PTPRD: variants seen among roughly 807,000 people sequenced by gnomAD.
PTPRD encodes protein tyrosine phosphatase receptor type D, also known as receptor-type tyrosine-protein phosphatase delta.
In PTPRD, 34 loss-of-function variants were observed where a neutral mutation model predicts 214.5. The ratio of observed to expected loss-of-function variants is 0.16; its 90% CI spans 0.12 to 0.21. The LOEUF is 0.21. PTPRD is among the 10% of genes least tolerant of loss of function. PTPRD has a pLI of 1.00. For missense variants in PTPRD, 2,545 were observed against 2,398.7 expected, an observed-to-expected ratio of 1.06 and a Z score of -1.27; for synonymous variants, 1,128 against 845.7, an observed-to-expected ratio of 1.33 and a Z score of -5.79.
intron 36 of PTPRD, among the ~76,000 whole-genome samples, chr9:8,394,861 A>G (rs946132374): frequency 2.0e-5 from 3 of 152,096 alleles, no homozygotes; most frequent in African/African-American, 7.2e-5. Flanking sequence ...TGATGGGGCA[A>G]AAAATAAACA....
In PTPRD at chr9:9,195,277, C is replaced by T. The variant is rs533128363; in HGVS notation, c.-202-11914G>A. Among the ~76,000 whole-genome samples, 424 of 151,960 alleles carry T rather than the reference C, an allele frequency of 2.8e-3. 1 individual carries two copies. Among genetic ancestry groups the T allele is most frequent in the Non-Finnish European group, 5.1e-3 (348 of 67,936 alleles). On this transcript the variant is annotated intron_variant, in intron 9 of 45. Coordinates refer to ENST00000381196, the MANE Select transcript of PTPRD (RefSeq NM_002839.4). Reference sequence around the variant, plus strand: ...ATTTCAGCATGCTGTTTACATAATTCACAAACAACATTTAGTTGAAAACAT... The same window carrying T: ...ATTTCAGCATGCTGTTTACATAATTTACAAACAACATTTAGTTGAAAACAT...
At chr9:8,747,797 C>A (rs1444857609) in intron 11 of PTPRD, among the ~76,000 whole-genome samples, 1 of 152,130 alleles carries the variant, frequency 6.6e-6, no homozygotes, top group East Asian at 1.9e-4. Context: ...ATCAGATGGC[C>A]AAATTATTAT....
At chr9:9,446,064 G>T (rs530760131) in intron 8 of PTPRD, among the ~76,000 whole-genome samples, 7 of 152,204 alleles carry the variant, frequency 4.6e-5, no homozygotes, top group South Asian at 2.1e-4. Context: ...TTTGGATAAA[G>T]ATTATTTTAT....
chr9:9,755,907 G>C (rs2098567427), intron 6 of PTPRD, among the ~76,000 whole-genome samples: 1 of 151,484 alleles, frequency 6.6e-6, no homozygotes, highest in Non-Finnish European at 1.5e-5. Flanking sequence ...ACATTTTATG[G>C]TTTGCTTTTC....
At chr9:8,380,779 T>C (rs2084806948) in intron 37 of PTPRD, among the ~76,000 whole-genome samples, 2 of 152,162 alleles carry the variant, frequency 1.3e-5, no homozygotes, top group South Asian at 2.1e-4. Flanking sequence ...TTCTAGGCTA[T>C]TTTTACTCCC....
chr9:9,013,363 T>C (rs2154363642), intron 11 of PTPRD, among the ~76,000 whole-genome samples: 1 of 152,206 alleles, frequency 6.6e-6, no homozygotes, highest in African/African-American at 2.4e-5. Flanking sequence ...TTGGGTCCTA[T>C]CATTGATCAT....
At chr9:9,009,148 ATT>A (rs71317393) in intron 11 of PTPRD, among the ~76,000 whole-genome samples, 1 of 151,780 alleles carries the variant, frequency 6.6e-6, no homozygotes, top group South Asian at 2.1e-4. Context: ...TTTATTTAGG[ATT>A]TTTTTTTCCA....
chr9:10,138,683 C>T (rs2098959997), intron 3 of PTPRD, among the ~76,000 whole-genome samples: 1 of 152,108 alleles, frequency 6.6e-6, no homozygotes, highest in Admixed American at 6.6e-5. Context: ...TCCAGCAGCA[C>T]ATCAAAAAGT....
chr9:9,317,652 G>T (rs531877485), intron 9 of PTPRD, among the ~76,000 whole-genome samples: 135 of 151,738 alleles, frequency 8.9e-4, no homozygotes, highest in African/African-American at 3.1e-3. Flanking sequence ...GTTATATTTT[G>T]AAAAAAATTT....
chr9:8,806,816 A>G (rs909745357), intron 11 of PTPRD, among the ~76,000 whole-genome samples: 1 of 152,164 alleles, frequency 6.6e-6, no homozygotes, highest in African/African-American at 2.4e-5. Flanking sequence ...CAAATTAAGT[A>G]CTCAAACACA....
Position 8,747,844 on chromosome 9 carries a change from T to C in PTPRD, c.-103-13898A>G, listed in dbSNP as rs979545241. Among the ~76,000 whole-genome samples the C allele has an allele frequency of 3.9e-5, 6 of 152,214 alleles. No individual in the cohort carries two copies. The East Asian group carries it at 9.6e-4, about 24-fold the overall frequency. On this transcript the variant is annotated intron_variant, in intron 11 of 45. Transcript: ENST00000381196. Reference sequence around the variant, plus strand: ...GGCCTTTTCAAAACTATCAAGCAGATAGTCAGGGCCTGTAAAGTGTGCCAA... The same window carrying C: ...GGCCTTTTCAAAACTATCAAGCAGACAGTCAGGGCCTGTAAAGTGTGCCAA...
chr9:8,473,413 T>G (rs2096698105), intron 30 of PTPRD, among the ~76,000 whole-genome samples: 1 of 152,148 alleles, frequency 6.6e-6, no homozygotes, highest in Non-Finnish European at 1.5e-5. Flanking sequence ...TCCATCATGT[T>G]AAATGAGCAT....
At chr9:8,905,209 A>G (rs1291822385) in intron 11 of PTPRD, among the ~76,000 whole-genome samples, 1 of 152,160 alleles carries the variant, frequency 6.6e-6, no homozygotes, top group East Asian at 1.9e-4. Flanking sequence ...AAAATCAAGC[A>G]GTTCCAAAGT....
intron 2 of PTPRD, among the ~76,000 whole-genome samples, chr9:10,471,742 AATAAGT>A (rs1173850585): frequency 6.6e-6 from 1 of 152,186 alleles, no homozygotes; most frequent in Non-Finnish European, 1.5e-5. Flanking sequence ...TCGTTATAGT[AATAAGT>A]ATAACCATAA....
chr9:9,996,613 C>A (rs1314297360), intron 4 of PTPRD, among the ~76,000 whole-genome samples: 1 of 152,118 alleles, frequency 6.6e-6, no homozygotes, highest in African/African-American at 2.4e-5. Context: ...AACTGCCTTG[C>A]TAAGTATTGA....
chr9:10,447,916 T>A (rs1172575910), intron 2 of PTPRD, among the ~76,000 whole-genome samples: 1 of 152,020 alleles, frequency 6.6e-6, no homozygotes, highest in Non-Finnish European at 1.5e-5. Flanking sequence ...ACAACCTATG[T>A]GCTGAGAATA....
chr9:9,367,026 T>C (rs2058074245), intron 9 of PTPRD, among the ~76,000 whole-genome samples: 1 of 150,872 alleles, frequency 6.6e-6, no homozygotes, highest in African/African-American at 2.4e-5. Context: ...TTGTAATACA[T>C]TGAAAAATGA....
At chr9:8,362,519 T>G (rs138614044) in intron 39 of PTPRD, among the ~76,000 whole-genome samples, 92 of 152,330 alleles carry the variant, frequency 6.0e-4, no homozygotes, top group Admixed American at 5.2e-3. Flanking sequence ...GAGTCCAGAC[T>G]GAGAAAGCCT....
intron 3 of PTPRD, among the ~76,000 whole-genome samples, chr9:10,080,816 T>C (rs974654909): frequency 6.6e-6 from 1 of 152,126 alleles, no homozygotes; most frequent in African/African-American, 2.4e-5. Context: ...ATTTTGAAAA[T>C]TAAATTTCTG....
Sources: allele counts gnomAD v4.1 joint callset (sites outside exome capture counted in the v4.1 genomes callset), GRCh38; gene constraint gnomAD v4.1.1; transcripts MANE v1.5; gene names NCBI Gene and HGNC (gene_info 2026-07-23, HGNC 2026-07-21).